Variants in CEP20 observed in about 807,000 individuals in gnomAD.
The protein encoded by CEP20 is centrosomal protein 20.
Under a neutral mutation model 20.0 loss-of-function variants are expected in CEP20, and 18 were observed. That is an observed-to-expected ratio of 0.90 (90% confidence interval 0.62 to 1.34). CEP20 has a LOEUF of 1.34. CEP20 is among the 40% of genes most tolerant of loss of function. CEP20 has a pLI of 0.00. For missense variants in CEP20, 215 were observed against 201.6 expected (o/e 1.07, Z -0.40); for synonymous variants, 77 against 73.7 (o/e 1.04, Z -0.23).
intron 1 of CEP20, among the ~76,000 whole-genome samples, chr16:15,887,424 T>C (rs1046272848): frequency 7.2e-5 from 11 of 152,210 alleles, no homozygotes; most frequent in Non-Finnish European, 1.6e-4. Context: ...CCCTGCAAAG[T>C]GGAACTGGTT....
chr16:15,870,032 T>C (rs970891555), intron 4 of CEP20, among the ~76,000 whole-genome samples: 1 of 152,170 alleles, frequency 6.6e-6, no homozygotes, highest in African/African-American at 2.4e-5. Flanking sequence ...CCTGGCACTT[T>C]AGTGGTGTAC....
At chr16:15,879,974 T>C in intron 2 of CEP20, 86 bp from the exon 3 acceptor site, 6 of 886,376 alleles carry the variant, frequency 6.8e-6, no homozygotes, top group South Asian at 1.5e-5. Context: ...TTACCAGACA[T>C]ACACTTTTTA....
At chr16:15,887,895 C>G (rs558677402) in intron 1 of CEP20, among the ~76,000 whole-genome samples, 1 of 151,866 alleles carries the variant, frequency 6.6e-6, no homozygotes, top group African/African-American at 2.4e-5. Context: ...AGGAGTTCGA[C>G]AGTAAGACCC....
Position 15,888,602 on chromosome 16 carries a change from G to C in CEP20, c.-17C>G, listed in dbSNP as rs755421719. 1.9e-6 allele frequency: 3 copies of C among 1,613,936 alleles called. No individual in the cohort carries two copies. The South Asian group carries it at 3.3e-5, about 18-fold the overall frequency. On this transcript the variant is annotated 5_prime_UTR_variant, in exon 1 of 5. Transcript: ENST00000255759. Reference sequence around the variant, plus strand: ...AGTCGCCATTTTTCAACGGCCGCCAGGGCCGCACCGCGGCCCTGCGCACGC... The same window carrying C: ...AGTCGCCATTTTTCAACGGCCGCCACGGCCGCACCGCGGCCCTGCGCACGC...
chr16:15,867,802 G>C (rs561334452), intron 4 of CEP20, among the ~76,000 whole-genome samples: 1 of 151,856 alleles, frequency 6.6e-6, no homozygotes, highest in South Asian at 2.1e-4. Flanking sequence ...GTGAAACCCC[G>C]TGTCTCCTCA....
chr16:15,868,423 C>T (rs554387043), intron 4 of CEP20, among the ~76,000 whole-genome samples: 3 of 150,812 alleles, frequency 2.0e-5, no homozygotes, highest in Non-Finnish European at 3.0e-5. Flanking sequence ...ACTCTTGTCT[C>T]GAGAAGAAAA....
chr16:15,873,750 G>T, intron 3 of CEP20, 123 bp from the exon 4 acceptor site: 1 of 1,145,830 alleles, frequency 8.7e-7, no homozygotes, highest in Non-Finnish European at 1.2e-6. Flanking sequence ...TGATTCACTA[G>T]ACTTTAAAAA....
chr16:15,877,002 G>A lies in CEP20; in HGVS notation c.311+2802C>T, dbSNP rs574807215. Among the ~76,000 whole-genome samples, 307 of 152,076 alleles carry A rather than the reference G, an allele frequency of 2.0e-3. 1 individual carries two copies. Among genetic ancestry groups the A allele is most frequent in the African/African-American group, 7.0e-3 (290 of 41,480 alleles). ...CAAGTAGCTGGGACTACAGGCATCC[G>A]CCACCTTGCCCGGCTAATTTTTTGT... On this transcript the variant is annotated intron_variant, in intron 3 of 4. Coordinates refer to ENST00000255759, the MANE Select transcript of CEP20 (RefSeq NM_144600.4).
At position 15,866,528 on chromosome 16, in the gene CEP20, C is replaced by A. The variant is rs2044684085; in HGVS notation, c.*912G>T. The stretch of plus-strand genomic sequence containing the variant: ...AGTAGCGTATTAGAGATAGCACATA[C>A]TATTTTTCTATCCCAAGAATAAAAA... On this transcript the variant is annotated 3_prime_UTR_variant, in exon 5 of 5. Coordinates refer to ENST00000255759, the MANE Select transcript of CEP20 (RefSeq NM_144600.4). The A allele has an allele frequency of 6.6e-6, 1 of 152,212 alleles. No homozygotes were observed. 9.4% of individuals were successfully genotyped at this position (152,212 alleles called of 1,614,324 possible).
chr16:15,884,050 C>A lies in CEP20; in HGVS notation c.184G>T (p.Glu62Ter), dbSNP rs766713976. 6.2e-7 allele frequency: 1 copy of A among 1,613,624 alleles called. No individual in the cohort carries two copies. Among genetic ancestry groups the A allele is most frequent in the African/African-American group, 1.3e-5 (1 of 74,906 alleles). ...GCTGTATACTTATATTTGTTGAATT[C>A]TAAATACTCTCGAATTAATTCATTA... ...LINELIREYL[E>*]FNKYKYTASV... is the part of the protein sequence containing the mutation. The change falls in exon 2 of 5, where the codon GAA (glutamate) becomes TAA (stop). Residue 62 changes from glutamate to a stop codon, truncating the protein, a stop_gained. Transcript: ENST00000255759. LOFTEE classifies it high-confidence loss of function.
At chr16:15,874,191 G>A (rs549100203) in intron 3 of CEP20, among the ~76,000 whole-genome samples, 2 of 152,286 alleles carry the variant, frequency 1.3e-5, no homozygotes, top group East Asian at 1.9e-4. Flanking sequence ...TGCACTAAAT[G>A]AGTTAATAAA....
chr16:15,886,744 C>G (rs2045256559), intron 1 of CEP20, among the ~76,000 whole-genome samples: 1 of 152,190 alleles, frequency 6.6e-6, no homozygotes, highest in Non-Finnish European at 1.5e-5. Context: ...TGTAAGGTAA[C>G]TGGCTGGCAA....
At chr16:15,887,845 G>A (rs1264579429) in intron 1 of CEP20, among the ~76,000 whole-genome samples, 1 of 152,054 alleles carries the variant, frequency 6.6e-6, no homozygotes, top group African/African-American at 2.4e-5. Flanking sequence ...TGTAATCCCA[G>A]CACTTTGAGG....
chr16:15,881,727 T>C (rs1354173029), intron 2 of CEP20, among the ~76,000 whole-genome samples: 1 of 152,070 alleles, frequency 6.6e-6, no homozygotes, highest in African/African-American at 2.4e-5. Flanking sequence ...TCCTCACTTT[T>C]TTGAAAGAAG....
intron 2 of CEP20, among the ~76,000 whole-genome samples, chr16:15,882,770 T>TACACACACACACA (rs1218534204): frequency 3.7e-4 from 29 of 78,968 alleles, no homozygotes; most frequent in African/African-American, 1.2e-3. Flanking sequence ...TATCTATCTA[T>TACACACACACACA]CTATCTATCT....
At chr16:15,881,568 TGAA>T (rs1276914851) in intron 2 of CEP20, among the ~76,000 whole-genome samples, 1 of 152,176 alleles carries the variant, frequency 6.6e-6, no homozygotes, top group African/African-American at 2.4e-5. Flanking sequence ...TGCTGAGGCA[TGAA>T]GTAGTCAAAG....
At chr16:15,871,733 C>T (rs1596989518) in intron 4 of CEP20, among the ~76,000 whole-genome samples, 2 of 152,254 alleles carry the variant, frequency 1.3e-5, no homozygotes, top group Non-Finnish European at 2.9e-5. Context: ...TATTTTCCAA[C>T]GTTCCATCCA....
chr16:15,874,091 CTG>C (rs1177210306), intron 3 of CEP20, among the ~76,000 whole-genome samples: 1 of 152,180 alleles, frequency 6.6e-6, no homozygotes, highest in African/African-American at 2.4e-5. Context: ...CTGTGGGACT[CTG>C]TGTAAGATTC....
At chr16:15,887,373 T>C (rs1190834014) in intron 1 of CEP20, among the ~76,000 whole-genome samples, 1 of 152,212 alleles carries the variant, frequency 6.6e-6, no homozygotes, top group Non-Finnish European at 1.5e-5. Flanking sequence ...ACACGTCTCC[T>C]CCCTAAAATA....
Sources: gnomAD v4.1 joint callset for allele counts (sites outside exome capture counted in the v4.1 genomes callset) on GRCh38, gnomAD v4.1.1 for gene constraint, MANE v1.5 for transcripts, NCBI Gene and HGNC (gene_info 2026-07-23, HGNC 2026-07-21) for gene names.